Variants in AK7 observed in about 807,000 individuals in gnomAD.
The protein encoded by AK7 is ATP-AMP transphosphorylase 7.
Under a neutral mutation model 96.6 loss-of-function variants are expected in AK7, and 78 were observed. The observed-to-expected ratio is 0.81, with a 90% CI of 0.67 to 0.97. The LOEUF (loss-of-function observed/expected upper bound fraction) is 0.97, where lower values mean the gene tolerates loss of function less well. Ranked by LOEUF, AK7 falls within the 50% of genes least tolerant of loss-of-function variation. AK7 has a pLI of 0.00. For synonymous variants in AK7, 302 were observed against 317.2 expected (o/e 0.95, Z 0.51); for missense variants, 855 against 887.9 (o/e 0.96, Z 0.47).
chr14:96,423,096 AG>A (rs1247864416), intron 5 of AK7, among the ~76,000 whole-genome samples: 2 of 152,208 alleles, frequency 1.3e-5, no homozygotes, highest in Non-Finnish European at 2.9e-5. Flanking sequence ...GCCCATCTAC[AG>A]GGCCATGCCC....
At chr14:96,441,971 G>A (rs73349297) in intron 6 of AK7, among the ~76,000 whole-genome samples, 2 of 151,906 alleles carry the variant, frequency 1.3e-5, no homozygotes, top group Non-Finnish European at 2.9e-5. Context: ...AAGCCTGCTG[G>A]TGTCACATCA....
intron 4 of AK7, among the ~76,000 whole-genome samples, chr14:96,417,756 A>G (rs1891428270): frequency 6.6e-6 from 1 of 152,178 alleles, no homozygotes; most frequent in Non-Finnish European, 1.5e-5. Context: ...GTACCACCTC[A>G]GCCATTTTGT....
intron 12 of AK7, 130 bp from the exon 13 acceptor site, chr14:96,471,348 A>AAAAAAAGC (rs1279179957): frequency 2.1e-6 from 1 of 473,220 alleles, no homozygotes; most frequent in African/African-American, 2.1e-5. Flanking sequence ...AAAAAAAAAA[A>AAAAAAAGC]AAAAAAGCAA....
intron 5 of AK7, among the ~76,000 whole-genome samples, chr14:96,434,434 C>A: frequency 7.6e-6 from 1 of 130,770 alleles, no homozygotes; most frequent in African/African-American, 4.2e-5. Flanking sequence ...CTCTCTCTCT[C>A]TCTCTCTCTC....
intron 17 of AK7, 72 bp downstream of exon 17, chr14:96,487,128 A>G (rs1895814175): frequency 1.3e-6 from 2 of 1,531,578 alleles, no homozygotes; most frequent in Admixed American, 3.6e-5. Context: ...TAATCCCAGC[A>G]CTTTGGGAGG....
At chr14:96,441,662 AG>A (rs1403617262) in intron 6 of AK7, among the ~76,000 whole-genome samples, 9 of 150,572 alleles carry the variant, frequency 6.0e-5, no homozygotes, top group African/African-American at 1.7e-4. Context: ...AAAAAAAAAA[AG>A]AAAACAAAAT....
chr14:96,397,982 C>A (rs959602402), intron 1 of AK7, 93 bp from the exon 2 acceptor site: 35 of 1,318,886 alleles, frequency 2.7e-5, no homozygotes, highest in Non-Finnish European at 3.6e-5. Context: ...ACCCAGCAAG[C>A]ACTCGGGAAA....
intron 3 of AK7, among the ~76,000 whole-genome samples, chr14:96,408,538 C>T (rs1218106706): frequency 6.6e-6 from 1 of 152,212 alleles, no homozygotes; most frequent in African/African-American, 2.4e-5. Context: ...AAAGGGGCCA[C>T]AATTCTGAGC....
At chr14:96,438,602 A>G (rs1030198417) in intron 6 of AK7, among the ~76,000 whole-genome samples, 4 of 152,222 alleles carry the variant, frequency 2.6e-5, no homozygotes. Context: ...AGCGGTAATG[A>G]GGTCAAAGCG....
At chr14:96,478,391 C>G (rs922137757) in intron 14 of AK7, 74 bp from the exon 15 acceptor site, 1 of 1,480,936 alleles carries the variant, frequency 6.8e-7, no homozygotes, top group East Asian at 2.3e-5. Flanking sequence ...AACCAGGGGG[C>G]CATGCGTTCT....
rs1429653112 is a variant in AK7, at chr14:96,472,685, A to G, written c.1487-2A>G. 3 of 1,612,122 alleles carry G rather than the reference A, an allele frequency of 1.9e-6. No homozygotes were observed. The highest frequency in any genetic ancestry group is 2.7e-5 in the African/African-American group (2 of 74,906). On this transcript the variant is annotated splice_acceptor_variant, in intron 13 of 17. Transcript: ENST00000267584. LOFTEE classifies it high-confidence loss of function. ...ACAATGAGGAATATTTTGTTTTCTT[A>G]GAGGAAGATGAGGAGGAGGAAGATG...
At chr14:96,449,490 G>T (rs1230863671) in intron 8 of AK7, among the ~76,000 whole-genome samples, 1 of 152,226 alleles carries the variant, frequency 6.6e-6, no homozygotes, top group Non-Finnish European at 1.5e-5. Context: ...CTGGAGTGCA[G>T]TGGTGTGATC....
At chr14:96,449,681 A>G in intron 8 of AK7, 121 bp from the exon 9 acceptor site, 1 of 663,804 alleles carries the variant, frequency 1.5e-6, no homozygotes, top group East Asian at 2.9e-5. Flanking sequence ...TGATCCGCCC[A>G]CCTTGGCCTC....
chr14:96,417,383 C>A (rs1431204012), intron 4 of AK7, among the ~76,000 whole-genome samples: 1 of 152,184 alleles, frequency 6.6e-6, no homozygotes, highest in African/African-American at 2.4e-5. Context: ...TTTTACCTGG[C>A]AAACCTACAT....
At chr14:96,472,857 G>A in intron 14 of AK7, 102 bp downstream of exon 14, 1 of 882,546 alleles carries the variant, frequency 1.1e-6, no homozygotes, top group Non-Finnish European at 1.8e-6. Flanking sequence ...CAAGGCGGGT[G>A]GATCACCTGA....
chr14:96,482,160 G>A (rs757766501), intron 15 of AK7, among the ~76,000 whole-genome samples: 1 of 151,992 alleles, frequency 6.6e-6, no homozygotes, highest in African/African-American at 2.4e-5. Context: ...CACTATGAGA[G>A]GCCAAGGCAG....
chr14:96,471,128 T>G (rs948445636), intron 12 of AK7, among the ~76,000 whole-genome samples: 1 of 152,074 alleles, frequency 6.6e-6, no homozygotes. Flanking sequence ...GGCCAGGAGT[T>G]CAAGACTAGC....
intron 3 of AK7, among the ~76,000 whole-genome samples, chr14:96,405,384 A>G (rs2139997849): frequency 6.6e-6 from 1 of 150,850 alleles, no homozygotes; most frequent in African/African-American, 2.4e-5. Flanking sequence ...GGGACTTGCT[A>G]TGTTGTCCAG....
intron 6 of AK7, 26 bp downstream of exon 6, chr14:96,437,941 A>G: frequency 6.3e-7 from 1 of 1,599,950 alleles, no homozygotes; most frequent in South Asian, 1.1e-5. Flanking sequence ...ATGACGTGGA[A>G]TGTTTAAAAG....
Sources: gnomAD v4.1 joint callset for allele counts (sites outside exome capture counted in the v4.1 genomes callset) on GRCh38, gnomAD v4.1.1 for gene constraint, MANE v1.5 for transcripts, NCBI Gene and HGNC (gene_info 2026-07-23, HGNC 2026-07-21) for gene names.